The following STARD9 variants were observed in gnomAD, a reference collection of about 807,000 sequenced individuals.
The protein encoded by STARD9 is StAR related lipid transfer domain containing 9.
STARD9 carries 346 observed loss-of-function variants against 399.8 expected under a neutral mutation model. That is an observed-to-expected ratio of 0.87 (90% CI 0.79 to 0.95). STARD9 has a LOEUF of 0.95. STARD9 is among the 40% of genes least tolerant of loss of function. The pLI, the probability that STARD9 is intolerant of heterozygous loss-of-function variation, is 0.00. For missense variants in STARD9, 5,832 were observed against 5,667.5 expected, an observed-to-expected ratio of 1.03 and a Z score of -0.93; for synonymous variants, 2,203 against 2,143.5, an observed-to-expected ratio of 1.03 and a Z score of -0.77.
Position 42,693,381 on chromosome 15 carries a change from G to C in STARD9, c.11803G>C (p.Asp3935His). ...CCCTGTTGAAGGCCACCAGAAGCTT[G>C]ACTCCAGCCCAGACCCTGTTGATGC... is the stretch of plus-strand genomic sequence containing the variant. ...THPVEGHQKLDSSPDPVDAPR... is the reference protein window; with the variant it reads ...THPVEGHQKLHSSPDPVDAPR... The change falls in exon 23 of 33, where the codon GAC becomes CAC. Residue 3935 changes from aspartate (D) to histidine (H), a missense_variant. By Grantham distance (81) the Asp-to-His change is moderately conservative. This residue lies in a region of STARD9 where 5,828 missense variants were observed against 5,651.1 expected (regional missense o/e 1.03). Coordinates refer to ENST00000290607, the MANE Select transcript of STARD9 (RefSeq NM_020759.3). 1.3e-6 allele frequency: 2 copies of C among 1,537,128 alleles called. No individual in the cohort carries two copies. The highest frequency in any genetic ancestry group is 1.7e-6 in the Non-Finnish European group (2 of 1,146,870).
chr15:42,586,136 G>A (rs1297226250), intron 3 of STARD9, among the ~76,000 whole-genome samples: 1 of 152,206 alleles, frequency 6.6e-6, no homozygotes, highest in Admixed American at 6.5e-5. Flanking sequence ...TCATGATTCA[G>A]GTGGGTATAA....
intron 22 of STARD9, among the ~76,000 whole-genome samples, chr15:42,682,841 C>T (rs139031143): frequency 2.0e-5 from 3 of 152,196 alleles, no homozygotes; most frequent in South Asian, 2.1e-4. Context: ...GTAAGGATCT[C>T]GGCCTCACTT....
At chr15:42,703,034 A>G (rs888682361) in intron 26 of STARD9, among the ~76,000 whole-genome samples, 10 of 152,110 alleles carry the variant, frequency 6.6e-5, no homozygotes, top group African/African-American at 2.4e-4. Flanking sequence ...GCCTCAAGCA[A>G]TCCTCCTACC....
chr15:42,615,762 G>C (rs930018798), intron 3 of STARD9, among the ~76,000 whole-genome samples: 4 of 151,744 alleles, frequency 2.6e-5, no homozygotes, highest in African/African-American at 9.7e-5. Flanking sequence ...CATGAATGCT[G>C]TCTCAATTAT....
chr15:42,653,033 A>G lies in STARD9; in HGVS notation c.702+441A>G, dbSNP rs796247244. Among the ~76,000 whole-genome samples, 11 of 152,288 alleles carry G rather than the reference A, an allele frequency of 7.2e-5. No individual in the cohort carries two copies. In the East Asian group the frequency reaches 1.9e-3, roughly 27 times the overall value. ...ATTTATAGGTCCTCTGATAGAACCT[A>G]ATATTGTAAACCGGATTTACACACA... On this transcript the variant is annotated intron_variant, in intron 9 of 32. Transcript: ENST00000290607.
In STARD9 at chr15:42,692,190, C is replaced by A. The variant is rs997210769; in HGVS notation, c.10612C>A (p.Leu3538Met). 6.5e-6 allele frequency: 10 copies of A among 1,537,134 alleles called. No homozygotes were observed. The highest frequency in any genetic ancestry group is 8.7e-6 in the Non-Finnish European group (10 of 1,146,900). ...HLSTYANICD[L>M]STTHSSTENA... ...CAGCACTTACGCCAATATTTGTGAT[C>A]TGTCAACCACACACAGCAGCACTGA... Residue 3538 changes from leucine (L) to methionine (M), a missense_variant, in exon 23 of 33, where the codon CTG becomes ATG. Coordinates refer to ENST00000290607, the MANE Select transcript of STARD9 (RefSeq NM_020759.3).
intron 26 of STARD9, among the ~76,000 whole-genome samples, chr15:42,712,176 C>G (rs2061256169): frequency 1.1e-5 from 1 of 94,576 alleles, no homozygotes; most frequent in Non-Finnish European, 2.3e-5. Flanking sequence ...AAATATCTAG[C>G]AGGATATTTT....
Position 42,682,419 on chromosome 15 carries a change from T to C in STARD9, c.2381T>C (p.Leu794Ser). The part of the protein sequence containing the change: ...AQKRLEKLTT[L>S]CWLQDDSTQE... ...AAGAGACTGGAGAAGCTCACGACAT[T>C]GTGCTGGCTCCAGGATGACAGCACC... The change falls in exon 22 of 33, where the codon TTG becomes TCG. Residue 794 changes from leucine to serine, a missense_variant. This residue lies in a region of STARD9 where 5,828 missense variants were observed against 5,651.1 expected (regional missense o/e 1.03). Transcript: ENST00000290607. 6.5e-7 allele frequency: 1 copy of C among 1,537,152 alleles called. No homozygotes were observed. The highest frequency in any genetic ancestry group is 8.7e-7 in the Non-Finnish European group (1 of 1,146,876).
chr15:42,700,771 C>G (rs555807667), intron 26 of STARD9, among the ~76,000 whole-genome samples: 1 of 152,188 alleles, frequency 6.6e-6, no homozygotes, highest in African/African-American at 2.4e-5. Flanking sequence ...CTTTTTAGTT[C>G]GATGTAACCT....
At chr15:42,656,398 C>T (rs981023959) in intron 9 of STARD9, among the ~76,000 whole-genome samples, 5 of 123,972 alleles carry the variant, frequency 4.0e-5, no homozygotes, top group East Asian at 2.5e-4. Flanking sequence ...GAAAAGGGAA[C>T]GCTTTTACAC....
intron 26 of STARD9, among the ~76,000 whole-genome samples, chr15:42,697,633 C>T (rs1250761224): frequency 1.3e-5 from 2 of 152,118 alleles, no homozygotes; most frequent in Non-Finnish European, 2.9e-5. Context: ...TCATGTGACA[C>T]ATTGAGTTGA....
intron 3 of STARD9, among the ~76,000 whole-genome samples, chr15:42,621,370 A>G (rs1340459957): frequency 2.0e-5 from 3 of 152,204 alleles, no homozygotes; most frequent in African/African-American, 7.2e-5. Context: ...ACAGTGGATT[A>G]CAACCTGTTA....
At chr15:42,635,383 G>A (rs146394639) in intron 4 of STARD9, among the ~76,000 whole-genome samples, 5,276 of 152,088 alleles carry the variant, frequency 0.035, 233 homozygotes, top group African/African-American at 0.094. Flanking sequence ...AGGCTGGAGT[G>A]CAGTGGCGCA....
At position 42,694,552 on chromosome 15, in the gene STARD9, C is replaced by T. The variant is rs967733849; in HGVS notation, c.12789C>T (p.Leu4263=). The change falls in exon 24 of 33, where the codon CTC becomes CTT. Residue 4263 remains leucine, a synonymous_variant. Transcript: ENST00000290607. Reference sequence around the variant, plus strand: ...GGCAAAAAAAGGCCATTGAGACCCTCAGGAGAGAGCGGGCTGAGCGACTTG... The same window carrying T: ...GGCAAAAAAAGGCCATTGAGACCCTTAGGAGAGAGCGGGCTGAGCGACTTG... The part of the protein sequence containing the change: ...YARQKKAIET[L]RRERAERLGN... The T allele has an allele frequency of 4.6e-6, 7 of 1,537,056 alleles. No homozygotes were observed. The African/African-American group carries it at 8.2e-5, about 18-fold the overall frequency.
chr15:42,646,771 G>A (rs866015565), intron 7 of STARD9, among the ~76,000 whole-genome samples: 1 of 152,200 alleles, frequency 6.6e-6, no homozygotes, highest in South Asian at 2.1e-4. Flanking sequence ...ACTGTTGGGC[G>A]CAAGAGGCCT....
intron 7 of STARD9, among the ~76,000 whole-genome samples, chr15:42,643,958 G>A (rs1286703116): frequency 6.6e-6 from 1 of 151,928 alleles, no homozygotes; most frequent in Non-Finnish European, 1.5e-5. Flanking sequence ...TTGTATTTTT[G>A]TTATAGGTAT....
chr15:42,715,992 G>A (rs1466547916), intron 26 of STARD9, among the ~76,000 whole-genome samples: 5 of 152,186 alleles, frequency 3.3e-5, no homozygotes, highest in African/African-American at 1.2e-4. Flanking sequence ...AGAAGGAGAT[G>A]AGGGTGGATA....
At chr15:42,615,794 C>T (rs2058951593) in intron 3 of STARD9, among the ~76,000 whole-genome samples, 1 of 151,670 alleles carries the variant, frequency 6.6e-6, no homozygotes, top group East Asian at 1.9e-4. Context: ...TTTTGTGTAA[C>T]TGTGGCTGTA....
At chr15:42,678,660 TGA>T in intron 20 of STARD9, among the ~76,000 whole-genome samples, 1 of 152,022 alleles carries the variant, frequency 6.6e-6, no homozygotes, top group Non-Finnish European at 1.5e-5. Context: ...GGGACAGCTG[TGA>T]GAGAAGAAGC....
Sources: gnomAD v4.1 joint callset for allele counts (sites outside exome capture counted in the v4.1 genomes callset) on GRCh38, gnomAD v4.1.1 for gene constraint, gnomAD v4.1.1 regional missense constraint, MANE v1.5 for transcripts, NCBI Gene and HGNC (gene_info 2026-07-23, HGNC 2026-07-21) for gene names.